The following MYH15 variants were observed in gnomAD, a reference collection of about 807,000 sequenced individuals.
MYH15 encodes the protein myosin-15.
Under a neutral mutation model 240.5 loss-of-function variants are expected in MYH15, and 227 were observed. The ratio of observed to expected loss-of-function variants is 0.94; its 90% CI spans 0.85 to 1.05. The LOEUF (loss-of-function observed/expected upper bound fraction) is 1.05, where lower values mean the gene tolerates loss of function less well. Among genes scored for constraint, MYH15 ranks in the 50% least tolerant of loss-of-function variants. The pLI, the probability that MYH15 is intolerant of heterozygous loss-of-function variation, is 0.00. For synonymous variants in MYH15, 785 were observed against 796.7 expected, an observed-to-expected ratio of 0.99 and a Z score of 0.25; for missense variants, 2,217 against 2,247.5, an observed-to-expected ratio of 0.99 and a Z score of 0.27.
At chr3:108,402,465 T>C (rs2082513052) in intron 33 of MYH15, among the ~76,000 whole-genome samples, 1 of 152,250 alleles carries the variant, frequency 6.6e-6, no homozygotes, top group Non-Finnish European at 1.5e-5. Context: ...ATTTATTTCC[T>C]ATTGTCTATG....
chr3:108,491,153 G>T (rs1004142258), intron 9 of MYH15, among the ~76,000 whole-genome samples: 2 of 152,096 alleles, frequency 1.3e-5, no homozygotes, highest in Non-Finnish European at 2.9e-5. Flanking sequence ...CTCCCAAAGT[G>T]CTGGGATTAC....
intron 22 of MYH15, among the ~76,000 whole-genome samples, chr3:108,442,614 CA>C (rs1296652163): frequency 6.6e-6 from 1 of 152,084 alleles, no homozygotes; most frequent in Admixed American, 6.6e-5. Context: ...TTAAACATGA[CA>C]GCAGGATTTG....
At chr3:108,417,775 G>A (rs530434265) in intron 28 of MYH15, among the ~76,000 whole-genome samples, 13 of 137,264 alleles carry the variant, frequency 9.5e-5, no homozygotes, top group Non-Finnish European at 1.4e-4. Context: ...ACACACACAC[G>A]TACAGGTATG....
rs768249620 is a variant in MYH15, at chr3:108,410,766, G to C, written c.4312C>G (p.Gln1438Glu). The C allele has an allele frequency of 1.2e-6, 2 of 1,614,022 alleles. No homozygotes were observed. The highest frequency in any genetic ancestry group is 2.7e-5 in the African/African-American group (2 of 74,944). ...GCAAGGGCCTTGCCAGACTGCAGCT[G>C]CTTCTGGTCCAGCCTGGCTGCTGCA... ...RSAAARLDQK[Q>E]LQSGKALADW... Residue 1438 changes from glutamine (Q) to glutamate (E), a missense_variant, in exon 31 of 41, where the codon CAG (glutamine) becomes GAG (glutamate). Physicochemically the swap from Gln to Glu is conservative, Grantham distance 29. Transcript: ENST00000693548.
At chr3:108,382,364 A>G (rs2082349772) in intron 40 of MYH15, among the ~76,000 whole-genome samples, 1 of 152,152 alleles carries the variant, frequency 6.6e-6, no homozygotes, top group Non-Finnish European at 1.5e-5. Flanking sequence ...AGTATATTCA[A>G]TATAACCAAC....
At chr3:108,470,620 T>C in intron 13 of MYH15, 78 bp downstream of exon 13, 2 of 1,497,956 alleles carry the variant, frequency 1.3e-6, no homozygotes, top group Non-Finnish European at 1.8e-6. Flanking sequence ...GCTTTGACCA[T>C]ATTTTCCCAT....
At position 108,474,844 on chromosome 3, in the gene MYH15, T is replaced by C. The variant is rs935644508; in HGVS notation, c.1233+1553A>G. Among the ~76,000 whole-genome samples the C allele has an allele frequency of 1.2e-4, 19 of 152,304 alleles. No individual in the cohort carries two copies. In the South Asian group the frequency reaches 3.1e-3, roughly 25 times the overall value. On this transcript the variant is annotated intron_variant, in intron 12 of 40. Transcript: ENST00000693548. Reference sequence around the variant, plus strand: ...GTGATTCAAGTTTAGCTCAATGTAGTCTATTTTAACATGCGTGGAGCACTT... The same window carrying C: ...GTGATTCAAGTTTAGCTCAATGTAGCCTATTTTAACATGCGTGGAGCACTT...
Position 108,500,105 on chromosome 3 carries a change from G to A in MYH15, c.496+13C>T, listed in dbSNP as rs778648155. On this transcript the variant is annotated intron_variant, in intron 4 of 40. Transcript: ENST00000693548. ...GATATTTTTACTTTTCATTTTGTAGGGCAGCTACTCACTGTGAAGCATGTC... is the reference window on the plus strand; with the variant it reads ...GATATTTTTACTTTTCATTTTGTAGAGCAGCTACTCACTGTGAAGCATGTC... The A allele has an allele frequency of 8.1e-6, 13 of 1,608,572 alleles. No individual in the cohort carries two copies. Among genetic ancestry groups the A allele is most frequent in the African/African-American group, 1.3e-5 (1 of 74,526 alleles).
intron 25 of MYH15, among the ~76,000 whole-genome samples, chr3:108,434,746 T>G (rs6798256): frequency 0.86 from 130,361 of 152,082 alleles, 56,012 homozygotes; most frequent in African/African-American, 0.88. Flanking sequence ...CTTGTATACA[T>G]GAGAGTGTTC....
chr3:108,381,381 C>T lies in MYH15; in HGVS notation c.*164G>A. 2 of 763,436 alleles carry T rather than the reference C, an allele frequency of 2.6e-6. 1 individual carries two copies. Among genetic ancestry groups the T allele is most frequent in the Middle Eastern group, 4.7e-4 (2 of 4,236 alleles). The allele number at this position is 763,436 out of a possible 1,614,324, so 47.3% of individuals were successfully genotyped here. A position where few individuals can be genotyped will look rare whatever the true frequency, so the allele number is the denominator to read the frequency against. On this transcript the variant is annotated 3_prime_UTR_variant, in exon 41 of 41. Coordinates refer to ENST00000693548, the MANE Select transcript of MYH15 (RefSeq NM_014981.3). Reference sequence around the variant, plus strand: ...AAAAAATCCCCATTAACTGTGGAAGCAATGATATTCCCTTTAATTATTTTT... The same window carrying T: ...AAAAAATCCCCATTAACTGTGGAAGTAATGATATTCCCTTTAATTATTTTT...
intron 16 of MYH15, 58 bp from the exon 17 acceptor site, chr3:108,460,425 A>T: frequency 1.5e-6 from 2 of 1,375,614 alleles, no homozygotes; most frequent in Non-Finnish European, 2.0e-6. Context: ...TTTTTATCAC[A>T]TTATCCTACC....
intron 25 of MYH15, among the ~76,000 whole-genome samples, chr3:108,434,227 G>A (rs1278208950): frequency 6.4e-5 from 9 of 140,054 alleles, no homozygotes. Flanking sequence ...TTGTTGCCCA[G>A]GCTGGAGTGC....
At chr3:108,542,737 T>C in the MYH15 span, among the ~76,000 whole-genome samples, 1 of 152,070 alleles carries the variant, frequency 6.6e-6, no homozygotes, top group Admixed American at 6.6e-5. Flanking sequence ...CAGTGTGTGT[T>C]GTTCCCCACG....
intron 26 of MYH15, among the ~76,000 whole-genome samples, chr3:108,429,182 C>A (rs1397413013): frequency 2.0e-5 from 3 of 151,728 alleles, no homozygotes; most frequent in Admixed American, 6.6e-5. Context: ...TTCATACGAC[C>A]AAAAAAACTG....
intron 33 of MYH15, among the ~76,000 whole-genome samples, chr3:108,403,909 C>T (rs2082527359): frequency 6.6e-6 from 1 of 151,852 alleles, no homozygotes; most frequent in South Asian, 2.1e-4. Context: ...CACAGGCTCT[C>T]TGAGGATTCA....
At chr3:108,423,567 G>C (rs1376537205) in intron 27 of MYH15, among the ~76,000 whole-genome samples, 1 of 152,220 alleles carries the variant, frequency 6.6e-6, no homozygotes, top group African/African-American at 2.4e-5. Context: ...TGTCTGCACA[G>C]TTTCTAATTA....
Position 108,398,705 on chromosome 3 carries a change from G to C in MYH15, c.5065C>G (p.Arg1689Gly). Residue 1689 changes from arginine to glycine, a missense_variant, in exon 35 of 41, where the codon CGT becomes GGT. By Grantham distance (125) the Arg-to-Gly change is moderately radical. Transcript: ENST00000693548. ...TCTTCTTCTGACAGCCTGCGGCCACGCTCTGTCTGCTCTTGCAGGGACCTT... is the reference window on the plus strand; with the variant it reads ...TCTTCTTCTGACAGCCTGCGGCCACCCTCTGTCTGCTCTTGCAGGGACCTT... ...DLRSLQEQTE[R>G]GRRLSEEELL... The C allele has an allele frequency of 6.2e-7, 1 of 1,614,106 alleles. No individual in the cohort carries two copies. The highest frequency in any genetic ancestry group is 8.5e-7 in the Non-Finnish European group (1 of 1,180,048).
At chr3:108,542,797 G>A in the MYH15 span, among the ~76,000 whole-genome samples, 14 of 151,490 alleles carry the variant, frequency 9.2e-5, no homozygotes, top group Admixed American at 7.2e-4. Context: ...AACATGCAGC[G>A]TTTGGTTTTC....
At chr3:108,495,625 A>G (rs917466958) in intron 7 of MYH15, among the ~76,000 whole-genome samples, 155 bp downstream of exon 7, 1 of 152,178 alleles carries the variant, frequency 6.6e-6, no homozygotes, top group Non-Finnish European at 1.5e-5. Flanking sequence ...AATGATATAG[A>G]TAGTAATTTT....
Sources: gnomAD v4.1 joint callset for allele counts (sites outside exome capture counted in the v4.1 genomes callset) on GRCh38, gnomAD v4.1.1 for gene constraint, MANE v1.5 for transcripts, NCBI Gene and HGNC (gene_info 2026-07-23, HGNC 2026-07-21) for gene names.